Variants in TRAPPC11 observed in about 807,000 individuals in gnomAD.
TRAPPC11 encodes trafficking protein particle complex subunit 11, also known as foie gras homolog.
A neutral mutation model predicts 151.2 loss-of-function variants in TRAPPC11; 104 were observed. The ratio of observed to expected loss-of-function variants is 0.69; its 90% CI spans 0.59 to 0.81. TRAPPC11 has a LOEUF of 0.81. TRAPPC11 is among the 30% of genes least tolerant of loss of function. The pLI is 0.00. For synonymous variants in TRAPPC11, 456 were observed against 472.3 expected (o/e 0.97, Z 0.45); for missense variants, 1,230 against 1,349.6 (o/e 0.91, Z 1.39).
chr4:183,679,232 G>T, intron 8 of TRAPPC11, 121 bp from the exon 9 acceptor site: 1 of 975,798 alleles, frequency 1.0e-6, no homozygotes, highest in East Asian at 2.8e-5. Flanking sequence ...ATTGCAAAGA[G>T]CTTCAGAGAA....
chr4:183,675,182 C>A lies in TRAPPC11; in HGVS notation c.679C>A (p.Gln227Lys), dbSNP rs777239158. 1.3e-6 allele frequency: 2 copies of A among 1,519,560 alleles called. No homozygotes were observed. The highest frequency in any genetic ancestry group is 8.8e-7 in the Non-Finnish European group (1 of 1,131,488). The allele number at this position is 1,519,560 out of a possible 1,614,324, so 94.1% of individuals were successfully genotyped here. Residue 227 changes from glutamine (Q) to lysine (K), a missense_variant, in exon 7 of 30, where the codon CAG (glutamine) becomes AAG (lysine). Coordinates refer to ENST00000334690, the MANE Select transcript of TRAPPC11 (RefSeq NM_021942.6). ...TTHQLLFVRH[Q>K]FKIAFFSELK... ...TTTTTAGCTTTTATTTGTTAGGCAT[C>A]AGTTCAAAATAGCTTTCTTCAGTGA...
intron 2 of TRAPPC11, 134 bp downstream of exon 2, chr4:183,664,205 A>C: frequency 1.4e-6 from 1 of 693,902 alleles, no homozygotes; most frequent in Admixed American, 2.4e-5. Context: ...AGCCTTAGGC[A>C]TTTTCATGTA....
At chr4:183,668,752 A>C (rs1320293603) in intron 5 of TRAPPC11, among the ~76,000 whole-genome samples, 5 of 152,234 alleles carry the variant, frequency 3.3e-5, no homozygotes, top group Admixed American at 1.3e-4. Context: ...ACATTACCTC[A>C]AAAATCATGT....
chr4:183,672,118 A>C (rs948146696), intron 5 of TRAPPC11, among the ~76,000 whole-genome samples: 8 of 152,230 alleles, frequency 5.3e-5, no homozygotes, highest in Non-Finnish European at 1.2e-4. Flanking sequence ...GAGCACTGCA[A>C]GTGTAAATTC....
intron 29 of TRAPPC11, among the ~76,000 whole-genome samples, chr4:183,710,023 A>G (rs1322943463): frequency 2.0e-5 from 3 of 152,222 alleles, no homozygotes. Flanking sequence ...TTTTAAACTT[A>G]GAAGTACTGT....
intron 8 of TRAPPC11, among the ~76,000 whole-genome samples, chr4:183,677,907 C>T (rs1735490721): frequency 6.6e-6 from 1 of 150,714 alleles, no homozygotes; most frequent in South Asian, 2.1e-4. Flanking sequence ...TTTAATGGCA[C>T]AGAAAAGAAG....
intron 29 of TRAPPC11, among the ~76,000 whole-genome samples, chr4:183,710,289 AC>A (rs1291509013): frequency 8.3e-6 from 1 of 120,226 alleles, no homozygotes; most frequent in Non-Finnish European, 1.9e-5. Flanking sequence ...CAGAAAATAA[AC>A]TTTTTTTTTT....
At position 183,692,970 on chromosome 4, in the gene TRAPPC11, T is replaced by G; in HGVS notation, c.2060T>G (p.Val687Gly). Residue 687 changes from valine (V) to glycine (G), a missense_variant, in exon 20 of 30, where the codon GTG (valine) becomes GGG (glycine). Val to Gly is a moderately radical substitution (Grantham distance 109). Coordinates refer to ENST00000334690, the MANE Select transcript of TRAPPC11 (RefSeq NM_021942.6). ...TTTTTTTCTTTTTAGATTACTTCAG[T>G]GGATCTTGCTCTGGGCAATGAGACG... ...DVGKKIEITS[V>G]DLALGNETGR... The G allele has an allele frequency of 6.2e-7, 1 of 1,604,506 alleles. No homozygotes were observed. Among genetic ancestry groups the G allele is most frequent in the Non-Finnish European group, 8.5e-7 (1 of 1,175,466 alleles).
At chr4:183,664,720 C>T (rs1211227732) in intron 2 of TRAPPC11, among the ~76,000 whole-genome samples, 2 of 151,992 alleles carry the variant, frequency 1.3e-5, no homozygotes, top group Non-Finnish European at 1.5e-5. Context: ...CTGTTTTAAG[C>T]AGTTTATGTG....
chr4:183,689,073 T>C (rs1478747573), intron 18 of TRAPPC11, among the ~76,000 whole-genome samples: 2 of 152,152 alleles, frequency 1.3e-5, no homozygotes, highest in African/African-American at 4.8e-5. Flanking sequence ...GAGCATGCAA[T>C]TTATTCTTAA....
At chr4:183,695,806 C>T (rs552967291) in intron 23 of TRAPPC11, among the ~76,000 whole-genome samples, 7 of 152,096 alleles carry the variant, frequency 4.6e-5, no homozygotes, top group Admixed American at 1.3e-4. Flanking sequence ...ATTTCCCAAG[C>T]GGGAGAGAAG....
At chr4:183,659,882 C>A (rs1285085409) in intron 1 of TRAPPC11, among the ~76,000 whole-genome samples, 1 of 152,014 alleles carries the variant, frequency 6.6e-6, no homozygotes, top group Non-Finnish European at 1.5e-5. Context: ...CCCTGAACTT[C>A]CAGTTAGTTA....
chr4:183,708,660 A>G, intron 29 of TRAPPC11, 86 bp downstream of exon 29: 2 of 1,257,280 alleles, frequency 1.6e-6, no homozygotes, highest in Non-Finnish European at 2.2e-6. Context: ...ACTGAACAGT[A>G]TTTTGAGACC....
chr4:183,697,816 C>A lies in TRAPPC11; in HGVS notation c.2832C>A (p.Leu944=), dbSNP rs371763250. ...LAPSMTTVDQ[L]ESQVDNVILQ... is the part of the protein sequence containing the mutation. The stretch of plus-strand genomic sequence containing the variant: ...CATCCATGACCACAGTGGACCAGCT[C>A]GAGTCTCAAGTGGACAATGGTGAGT... The change falls in exon 25 of 30, where the codon CTC becomes CTA. Residue 944 remains leucine, a synonymous_variant. Transcript: ENST00000334690. 3.7e-6 allele frequency: 6 copies of A among 1,613,588 alleles called. No homozygotes were observed.
intron 8 of TRAPPC11, among the ~76,000 whole-genome samples, chr4:183,678,758 T>C (rs900730346): frequency 1.8e-4 from 28 of 152,220 alleles, no homozygotes; most frequent in African/African-American, 6.8e-4. Flanking sequence ...GACTGACTTT[T>C]CATGTGTTCC....
intron 1 of TRAPPC11, among the ~76,000 whole-genome samples, chr4:183,662,077 A>G (rs13130564): frequency 0.18 from 27,831 of 152,042 alleles, 2,629 homozygotes; most frequent in Middle Eastern, 0.23. Flanking sequence ...AATTCTCTGT[A>G]ATATGCTGGT....
At position 183,682,811 on chromosome 4, in the gene TRAPPC11, G is replaced by A. The variant is rs745588857; in HGVS notation, c.1193G>A (p.Arg398Gln). 2.2e-5 allele frequency: 35 copies of A among 1,611,752 alleles called. No homozygotes were observed. Among genetic ancestry groups the A allele is most frequent in the South Asian group, 3.3e-5 (3 of 90,982 alleles). ...GACTTTTATGGACAAAGATCATGGC[G>A]ACAAGGAATACTAAGTAAATAATTT... is the stretch of plus-strand genomic sequence containing the variant. Reference protein sequence around the residue: ...VLDFYGQRSWRQGILSFDLSD... With the variant: ...VLDFYGQRSWQQGILSFDLSD... Residue 398 changes from arginine to glutamine, a missense_variant, in exon 11 of 30, where the codon CGA becomes CAA. Coordinates refer to ENST00000334690, the MANE Select transcript of TRAPPC11 (RefSeq NM_021942.6).
At chr4:183,708,222 C>G (rs76251021) in intron 28 of TRAPPC11, among the ~76,000 whole-genome samples, 185 bp from the exon 29 acceptor site, 3,301 of 152,054 alleles carry the variant, frequency 0.022, 62 homozygotes, top group East Asian at 0.062. Context: ...TCTGCCATGT[C>G]CTAAACTCAT....
chr4:183,677,926 C>T (rs2111341408), intron 8 of TRAPPC11, among the ~76,000 whole-genome samples: 1 of 147,994 alleles, frequency 6.8e-6, no homozygotes, highest in Non-Finnish European at 1.5e-5. Flanking sequence ...AGTGTCTATT[C>T]ACCTTAGAGG....
Sources: allele counts gnomAD v4.1 joint callset (sites outside exome capture counted in the v4.1 genomes callset), GRCh38; gene constraint gnomAD v4.1.1; transcripts MANE v1.5; gene names NCBI Gene and HGNC (gene_info 2026-07-23, HGNC 2026-07-21).